Variants in SNX24 observed in about 807,000 individuals in gnomAD.
SNX24 encodes the protein sorting nexin-24.
SNX24 carries 22 observed loss-of-function variants against 28.7 expected under a neutral mutation model. The observed-to-expected ratio is 0.77, with a 90% confidence interval of 0.55 to 1.10. SNX24 has a LOEUF of 1.10. Among genes scored for constraint, SNX24 ranks in the 50% least tolerant of loss-of-function variants. The pLI is 0.00. For synonymous variants in SNX24, 69 were observed against 71.5 expected, an observed-to-expected ratio of 0.96 and a Z score of 0.18; for missense variants, 221 against 201.1, an observed-to-expected ratio of 1.10 and a Z score of -0.60.
intron 1 of SNX24, among the ~76,000 whole-genome samples, chr5:122,851,586 A>G (rs1373845892): frequency 6.6e-6 from 1 of 152,192 alleles, no homozygotes; most frequent in Non-Finnish European, 1.5e-5. Context: ...TGGGACCTGG[A>G]TACTATCACT....
intron 6 of SNX24, among the ~76,000 whole-genome samples, chr5:123,002,589 G>A (rs1301326728): frequency 6.6e-6 from 1 of 152,138 alleles, no homozygotes; most frequent in African/African-American, 2.4e-5. Flanking sequence ...CCGAGATCGC[G>A]CCACTGCACT....
chr5:122,960,298 G>A (rs924547892), intron 3 of SNX24, among the ~76,000 whole-genome samples: 2 of 152,094 alleles, frequency 1.3e-5, no homozygotes, highest in African/African-American at 4.8e-5. Context: ...TTTCTCTGGT[G>A]CTCTTTGTCA....
chr5:122,883,187 A>G (rs1408422087), intron 1 of SNX24, among the ~76,000 whole-genome samples: 1 of 152,190 alleles, frequency 6.6e-6, no homozygotes, highest in Non-Finnish European at 1.5e-5. Flanking sequence ...AGAATCTTAT[A>G]GTATGTGTGT....
At chr5:122,928,220 C>T (rs1758786320) in intron 1 of SNX24, among the ~76,000 whole-genome samples, 2 of 152,134 alleles carry the variant, frequency 1.3e-5, no homozygotes, top group Non-Finnish European at 2.9e-5. Context: ...ATTCACTCTT[C>T]CATCTGCCTG....
At chr5:122,913,615 A>G (rs993108808) in intron 1 of SNX24, among the ~76,000 whole-genome samples, 8 of 150,728 alleles carry the variant, frequency 5.3e-5, no homozygotes, top group Non-Finnish European at 1.0e-4. Flanking sequence ...GGGTCTCCTC[A>G]CTTCTCAGAC....
rs1252391928 is a variant in SNX24, at chr5:123,008,483, G to A, written c.*734G>A. 1 of 166,964 alleles carries A rather than the reference G, an allele frequency of 6.0e-6. No homozygotes were observed. Among genetic ancestry groups the A allele is most frequent in the African/African-American group, 2.5e-5 (1 of 40,074 alleles). The allele number at this position is 166,964 out of a possible 1,614,324, so 10.3% of individuals were successfully genotyped here. A position where few individuals can be genotyped will look rare whatever the true frequency, so the allele number is the denominator to read the frequency against. On this transcript the variant is annotated 3_prime_UTR_variant, in exon 7 of 7. Coordinates refer to ENST00000261369, the MANE Select transcript of SNX24 (RefSeq NM_014035.4). ...CACAACAAGTAGCTTTTCCTCCTAT[G>A]TTGGAAAAAAAGACTGTTTCTTTGT...
At chr5:122,910,737 C>T (rs1366028573) in intron 1 of SNX24, among the ~76,000 whole-genome samples, 16 of 149,950 alleles carry the variant, frequency 1.1e-4, no homozygotes, top group South Asian at 6.4e-4. Flanking sequence ...TTTGTCCTTG[C>T]GATAGTTTAC....
intron 1 of SNX24, among the ~76,000 whole-genome samples, chr5:122,926,767 T>C (rs1758714329): frequency 6.6e-6 from 1 of 152,120 alleles, no homozygotes. Flanking sequence ...GCTAGAATCA[T>C]GGGAGGTCAG....
At chr5:122,962,013 ATAAGACTTTT>A (rs1185262008) in intron 3 of SNX24, among the ~76,000 whole-genome samples, 2 of 152,220 alleles carry the variant, frequency 1.3e-5, no homozygotes, top group Non-Finnish European at 2.9e-5. Context: ...TGGTAATTCT[ATAAGACTTTT>A]TTTGTGCTAA....
At chr5:122,857,032 A>G (rs1351200026) in intron 1 of SNX24, among the ~76,000 whole-genome samples, 1 of 150,570 alleles carries the variant, frequency 6.6e-6, no homozygotes, top group Non-Finnish European at 1.5e-5. Flanking sequence ...TTTTTTTGAG[A>G]CGGAGTTTCG....
intron 1 of SNX24, among the ~76,000 whole-genome samples, chr5:122,879,313 C>T (rs1756371703): frequency 6.6e-6 from 1 of 152,184 alleles, no homozygotes; most frequent in Non-Finnish European, 1.5e-5. Context: ...CAACTTTCAG[C>T]AAAACATGTA....
intron 1 of SNX24, among the ~76,000 whole-genome samples, chr5:122,874,579 C>T (rs955109747): frequency 6.6e-6 from 1 of 152,188 alleles, no homozygotes; most frequent in Non-Finnish European, 1.5e-5. Flanking sequence ...CGATGTGCGG[C>T]ATATTTTACT....
rs189533442 is a variant in SNX24 at position 122,886,810 on chromosome 5, A to G, written c.60+41117A>G. 3.7e-3 allele frequency among the ~76,000 whole-genome samples: 568 copies of G among 152,170 alleles called. 3 individuals carry two copies. Among genetic ancestry groups the G allele is most frequent in the African/African-American group, 0.013 (543 of 41,494 alleles). ...ACGCCATTGCACTCCAGCCTGGCCA[A>G]CAGAGCGAGACTCTGACTCAAAAAA... On this transcript the variant is annotated intron_variant, in intron 1 of 6. Transcript: ENST00000261369.
chr5:123,022,886 C>T (rs1028118122), intron 5 of SNX24: 1 of 152,486 alleles, frequency 6.6e-6, no homozygotes, highest in African/African-American at 2.4e-5. Context: ...TCACTACAGC[C>T]TTGATCTCCT....
chr5:122,962,070 T>C (rs1376074746), intron 3 of SNX24, among the ~76,000 whole-genome samples: 1 of 152,218 alleles, frequency 6.6e-6, no homozygotes, highest in African/African-American at 2.4e-5. Context: ...GATAATTTCT[T>C]AGAACAACGT....
intron 3 of SNX24, among the ~76,000 whole-genome samples, chr5:122,957,479 A>C (rs1039254631): frequency 3.9e-5 from 6 of 152,084 alleles, no homozygotes; most frequent in Non-Finnish European, 8.8e-5. Flanking sequence ...TTCTTTTTCA[A>C]GATTGTTTTG....
At chr5:122,918,128 G>C (rs1056985769) in intron 1 of SNX24, among the ~76,000 whole-genome samples, 1 of 152,112 alleles carries the variant, frequency 6.6e-6, no homozygotes, top group African/African-American at 2.4e-5. Flanking sequence ...ATGCCAACAG[G>C]CTGGGCCTGG....
intron 3 of SNX24, among the ~76,000 whole-genome samples, chr5:122,963,163 G>T (rs1021213279): frequency 1.3e-5 from 2 of 152,204 alleles, no homozygotes; most frequent in African/African-American, 4.8e-5. Flanking sequence ...GAACCTGGGA[G>T]GCACAAGTTG....
At chr5:122,846,817 A>G (rs1754657556) in intron 1 of SNX24, among the ~76,000 whole-genome samples, 1 of 152,208 alleles carries the variant, frequency 6.6e-6, no homozygotes, top group Admixed American at 6.5e-5. Flanking sequence ...TTCCTTGGGA[A>G]GGAAAATGCA....
Sources: allele counts gnomAD v4.1 joint callset (sites outside exome capture counted in the v4.1 genomes callset), GRCh38; gene constraint gnomAD v4.1.1; transcripts MANE v1.5; gene names NCBI Gene and HGNC (gene_info 2026-07-23, HGNC 2026-07-21).